The following DIP2A variants were observed in gnomAD, a reference collection of about 807,000 sequenced individuals.
The protein encoded by DIP2A is DIP2 acetate--CoA ligase A.
In DIP2A, 85 loss-of-function variants were observed where a neutral mutation model predicts 177.4. That is an observed-to-expected ratio of 0.48 (90% confidence interval 0.40 to 0.57). The LOEUF (loss-of-function observed/expected upper bound fraction) is 0.57, where lower values mean the gene tolerates loss of function less well. DIP2A is among the 20% of genes least tolerant of loss of function. The pLI is 0.00. For synonymous variants in DIP2A, 886 were observed against 881.8 expected (o/e 1.00, Z -0.08); for missense variants, 1,791 against 2,100.2 (o/e 0.85, Z 2.88).
At chr21:46,476,721 A>G (rs969971658) in intron 1 of DIP2A, among the ~76,000 whole-genome samples, 60 of 150,824 alleles carry the variant, frequency 4.0e-4, no homozygotes, top group African/African-American at 1.3e-3. Context: ...GAGTGGTACA[A>G]TCTTGGCTCA....
chr21:46,546,715 T>G (rs12627385), intron 20 of DIP2A, among the ~76,000 whole-genome samples, 200 bp from the exon 21 acceptor site: 1 of 152,036 alleles, frequency 6.6e-6, no homozygotes, highest in African/African-American at 2.4e-5. Flanking sequence ...CCCCATTCCT[T>G]CCACACAGCC....
chr21:46,567,277 T>A, intron 37 of DIP2A, 93 bp from the exon 38 acceptor site: 1 of 1,519,244 alleles, frequency 6.6e-7, no homozygotes, highest in Non-Finnish European at 8.9e-7. Context: ...TTGGTGGGCT[T>A]CACTCTTCTT....
At chr21:46,490,187 A>G (rs1209603845) in intron 2 of DIP2A, among the ~76,000 whole-genome samples, 3 of 152,146 alleles carry the variant, frequency 2.0e-5, no homozygotes, top group African/African-American at 7.2e-5. Context: ...TTTCTCACTC[A>G]GGGTTTACCG....
In DIP2A at chr21:46,480,805, T is replaced by C. The variant is rs1329824971; in HGVS notation, c.92-3952T>C. ...AAAAGTGACCTGACCAAAGGCAGAC[T>C]GTACTGTACTGGATTGGAACCTGCC... On this transcript the variant is annotated intron_variant, in intron 1 of 37. Coordinates refer to ENST00000417564, the MANE Select transcript of DIP2A (RefSeq NM_015151.4). 4.6e-5 allele frequency among the ~76,000 whole-genome samples: 7 copies of C among 152,374 alleles called. No homozygotes were observed. The East Asian group carries it at 1.3e-3, about 29-fold the overall frequency.
intron 1 of DIP2A, among the ~76,000 whole-genome samples, chr21:46,460,291 AT>A (rs769587056): frequency 5.3e-5 from 8 of 152,174 alleles, no homozygotes; most frequent in Non-Finnish European, 1.2e-4. Context: ...TTTGGATGTT[AT>A]CCCTTTCAAG....
At chr21:46,503,963 T>C (rs2057840747) in intron 5 of DIP2A, among the ~76,000 whole-genome samples, 1 of 152,182 alleles carries the variant, frequency 6.6e-6, no homozygotes, top group Admixed American at 6.5e-5. Context: ...TGACCTCAGG[T>C]GATCTGCCTA....
intron 3 of DIP2A, among the ~76,000 whole-genome samples, chr21:46,495,249 T>TCTCTCTCTCC (rs2057284376): frequency 1.1e-5 from 1 of 89,730 alleles, no homozygotes; most frequent in Non-Finnish European, 2.1e-5. Context: ...CTTCTTTCTC[T>TCTCTCTCTCC]CTCTCTCTCT....
intron 1 of DIP2A, among the ~76,000 whole-genome samples, chr21:46,479,791 C>T (rs1190014252): frequency 6.6e-6 from 1 of 152,164 alleles, no homozygotes; most frequent in Non-Finnish European, 1.5e-5. Flanking sequence ...CCTTGGCCTC[C>T]CAAAGTGCTG....
Position 46,469,885 on chromosome 21 carries a change from T to C in DIP2A, c.91+10663T>C, listed in dbSNP as rs906994327. Among the ~76,000 whole-genome samples, 6 of 152,216 alleles carry C rather than the reference T, an allele frequency of 3.9e-5. No homozygotes were observed. The South Asian group carries it at 1.2e-3, about 32-fold the overall frequency. ...TCAGTGAGCATTAGCCACGTGTGACTGCTTCTCTTATCATCAGGGCAGGTC... is the reference window on the plus strand; with the variant it reads ...TCAGTGAGCATTAGCCACGTGTGACCGCTTCTCTTATCATCAGGGCAGGTC... On this transcript the variant is annotated intron_variant, in intron 1 of 37. Transcript: ENST00000417564.
chr21:46,554,926 A>G lies in DIP2A; in HGVS notation c.3381A>G (p.Leu1127=). The G allele has an allele frequency of 6.4e-7, 1 of 1,552,002 alleles. No individual in the cohort carries two copies. Among genetic ancestry groups the G allele is most frequent in the Non-Finnish European group, 8.7e-7 (1 of 1,147,756 alleles). The part of the protein sequence containing the change: ...AVDIRTWPTI[L]DTDDIPKKKI... ...ACATCAGGACCTGGCCCACCATCCT[A>G]GACACAGGTGCGTGTCCTCGCACTG... Residue 1127 remains leucine (L), a synonymous_variant, in exon 28 of 38, where the codon CTA becomes CTG. Coordinates refer to ENST00000417564, the MANE Select transcript of DIP2A (RefSeq NM_015151.4).
rs1444093032 is a variant in DIP2A, at chr21:46,566,574, C to T, written c.4354C>T (p.Leu1452=). 6.2e-7 allele frequency: 1 copy of T among 1,614,100 alleles called. No homozygotes were observed. Among genetic ancestry groups the T allele is most frequent in the Admixed American group, 1.7e-5 (1 of 60,018 alleles). ...TDASGGRHDA[L]YVVGSLDETL... The stretch of plus-strand genomic sequence containing the variant: ...ACTGTTCACAGGGCGGCACGATGCA[C>T]TGTATGTGGTTGGGTCTCTGGATGA... The change falls in exon 37 of 38, where the codon CTG becomes TTG. Residue 1452 remains leucine (L), a synonymous_variant. Transcript: ENST00000417564.
intron 36 of DIP2A, 105 bp downstream of exon 36, chr21:46,565,992 G>C: frequency 7.5e-7 from 1 of 1,326,608 alleles, no homozygotes; most frequent in African/African-American, 1.5e-5. Flanking sequence ...GCTGTGGTCT[G>C]GTATTGCTCC....
At chr21:46,543,550 G>GGCACTCCCCCAGGCATGCCCGCA (rs141375551) in intron 18 of DIP2A, among the ~76,000 whole-genome samples, 1 of 149,260 alleles carries the variant, frequency 6.7e-6, no homozygotes, top group Non-Finnish European at 1.5e-5. Context: ...CGCTCCCCCA[G>GGCACTCCCCCAGGCATGCCCGCA]GCACTCCCCC....
chr21:46,566,137 G>C (rs570444987), intron 36 of DIP2A, among the ~76,000 whole-genome samples: 1 of 152,266 alleles, frequency 6.6e-6, no homozygotes, highest in East Asian at 1.9e-4. Context: ...AGGCTACCAG[G>C]CTTCTCCCCG....
intron 8 of DIP2A, among the ~76,000 whole-genome samples, chr21:46,514,598 C>T (rs1416315672): frequency 7.9e-6 from 1 of 127,058 alleles, no homozygotes; most frequent in Non-Finnish European, 1.7e-5. Context: ...TTGTCCTTTC[C>T]AATACTTAAA....
chr21:46,506,768 CT>C (rs146990096), intron 6 of DIP2A, among the ~76,000 whole-genome samples: 1 of 63,062 alleles, frequency 1.6e-5, no homozygotes, highest in Non-Finnish European at 3.4e-5. Context: ...TTCTTTCTTT[CT>C]TTCTTTTCTT....
intron 1 of DIP2A, among the ~76,000 whole-genome samples, chr21:46,460,344 G>A (rs1240844459): frequency 6.6e-6 from 1 of 152,210 alleles, no homozygotes; most frequent in African/African-American, 2.4e-5. Flanking sequence ...TTGGGAAAGA[G>A]TTAAGTTCTT....
chr21:46,465,764 C>A (rs756685368), intron 1 of DIP2A, among the ~76,000 whole-genome samples: 4 of 152,022 alleles, frequency 2.6e-5, no homozygotes, highest in Non-Finnish European at 4.4e-5. Context: ...AAAAAATTGG[C>A]CTTTTGTCTT....
intron 6 of DIP2A, among the ~76,000 whole-genome samples, chr21:46,508,452 G>A (rs1297934600): frequency 1.4e-5 from 2 of 143,114 alleles, no homozygotes; most frequent in East Asian, 2.2e-4. Flanking sequence ...TCCGCCTCCC[G>A]GGTTCATGCC....
Sources: allele counts gnomAD v4.1 joint callset (sites outside exome capture counted in the v4.1 genomes callset), GRCh38; gene constraint gnomAD v4.1.1; transcripts MANE v1.5; gene names NCBI Gene and HGNC (gene_info 2026-07-23, HGNC 2026-07-21).